SPATA13: variants seen among roughly 807,000 people sequenced by gnomAD.
SPATA13 encodes the protein spermatogenesis associated 13, also known as spermatogenesis-associated protein 13.
In SPATA13, 50 loss-of-function variants were observed where a neutral mutation model predicts 104.0. That is an observed-to-expected ratio of 0.48 (90% CI 0.38 to 0.61). The LOEUF (loss-of-function observed/expected upper bound fraction) is 0.61. SPATA13 is among the 20% of genes least tolerant of loss of function. The pLI is 0.00. For missense variants in SPATA13, 1,524 were observed against 1,690.6 expected, an observed-to-expected ratio of 0.90 and a Z score of 1.73; for synonymous variants, 606 against 667.5, an observed-to-expected ratio of 0.91 and a Z score of 1.42.
intron 2 of SPATA13, among the ~76,000 whole-genome samples, chr13:24,245,405 C>T (rs1873063962): frequency 6.6e-6 from 1 of 151,890 alleles, no homozygotes; most frequent in African/African-American, 2.4e-5. Flanking sequence ...TGAGAGTTTT[C>T]CTCTATCCTT....
intron 1 of SPATA13, among the ~76,000 whole-genome samples, chr13:24,216,020 G>A (rs1377096134): frequency 1.3e-5 from 2 of 152,220 alleles, no homozygotes; most frequent in South Asian, 2.1e-4. Context: ...GCTGTAGGAA[G>A]TCAAGACGCA....
rs113883995 is a variant in SPATA13 at position 24,221,542 on chromosome 13, T to G, written c.-111-1277T>G. Among the ~76,000 whole-genome samples the G allele has an allele frequency of 5.4e-4, 82 of 152,064 alleles. 1 individual carries two copies. Among genetic ancestry groups the G allele is most frequent in the African/African-American group, 1.9e-3 (78 of 41,456 alleles). On this transcript the variant is annotated intron_variant, in intron 1 of 12. Transcript: ENST00000382108. Reference sequence around the variant, plus strand: ...GACCCAGGTGTGGGGTTGAAGGGTTTGGACACAGATGTGCATGATGGGGAA... The same window carrying G: ...GACCCAGGTGTGGGGTTGAAGGGTTGGGACACAGATGTGCATGATGGGGAA...
chr13:24,160,737 G>C lies in SPATA13; in HGVS notation c.-307G>C. 1 of 985,666 alleles carries C rather than the reference G, an allele frequency of 1.0e-6. No homozygotes were observed. The highest frequency in any genetic ancestry group is 1.2e-6 in the Non-Finnish European group (1 of 830,174). 61.1% of individuals were successfully genotyped at this position (985,666 alleles called of 1,614,324 possible). A position where few individuals can be genotyped will look rare whatever the true frequency, so the allele number is the denominator to read the frequency against. Reference sequence around the variant, plus strand: ...GCTTGGCTGAGTGTGCTGCCGCGGCGCGGGAGGAGAGTGTGCGTTGCGCTT... The same window carrying C: ...GCTTGGCTGAGTGTGCTGCCGCGGCCCGGGAGGAGAGTGTGCGTTGCGCTT... On this transcript the variant is annotated 5_prime_UTR_variant, in exon 1 of 13. Transcript: ENST00000382108.
At chr13:24,118,020 GT>G (rs1381027848) in intron 3 of SPATA13, among the ~76,000 whole-genome samples, 5 of 152,110 alleles carry the variant, frequency 3.3e-5, no homozygotes, top group Non-Finnish European at 1.5e-5. Flanking sequence ...TGTGTACTAT[GT>G]TTTTCTGGCT....
At chr13:24,063,715 C>CT (rs1167632047) in intron 3 of SPATA13, among the ~76,000 whole-genome samples, 4 of 152,172 alleles carry the variant, frequency 2.6e-5, no homozygotes, top group Non-Finnish European at 5.9e-5. Flanking sequence ...CTTCTCGTTG[C>CT]TGATGTTTCA....
At chr13:23,997,342 C>T (rs1037079235) in intron 2 of SPATA13, among the ~76,000 whole-genome samples, 11 of 152,124 alleles carry the variant, frequency 7.2e-5, no homozygotes, top group African/African-American at 9.7e-5. Context: ...CCCTGTGATC[C>T]GACCGTCCCC....
chr13:24,102,942 T>A (rs1488621418), intron 3 of SPATA13, among the ~76,000 whole-genome samples: 1 of 152,258 alleles, frequency 6.6e-6, no homozygotes, highest in Non-Finnish European at 1.5e-5. Context: ...TTAACCCATT[T>A]TGAGCTGATT....
intron 4 of SPATA13, among the ~76,000 whole-genome samples, chr13:24,269,515 C>T (rs1874459084): frequency 6.6e-6 from 1 of 152,086 alleles, no homozygotes; most frequent in Non-Finnish European, 1.5e-5. Flanking sequence ...ATCCTCCCAT[C>T]TCAGACTCCT....
intron 4 of SPATA13, among the ~76,000 whole-genome samples, chr13:24,261,235 C>T (rs781523666): frequency 6.6e-5 from 10 of 152,114 alleles, no homozygotes; most frequent in African/African-American, 1.7e-4. Context: ...TATGAAGAAC[C>T]GAGAGGTCGA....
rs539895008 is a variant in SPATA13, at chr13:24,101,706, G to A, written c.-112+84005G>A. Among the ~76,000 whole-genome samples, 20 of 152,206 alleles carry A rather than the reference G, an allele frequency of 1.3e-4. No homozygotes were observed. In the South Asian group the frequency reaches 2.3e-3, roughly 17 times the overall value. ...TACTAATCCGTAGAAGTGGAATCAC[G>A]CACCTATATAAGTGGAATTGTTCAG... On this transcript the variant is annotated intron_variant, in intron 3 of 14. Coordinates refer to the SPATA13 transcript ENST00000424834.
At chr13:24,055,530 C>G (rs1359753908) in intron 3 of SPATA13, among the ~76,000 whole-genome samples, 5 of 152,148 alleles carry the variant, frequency 3.3e-5, no homozygotes, top group Non-Finnish European at 5.9e-5. Flanking sequence ...CTTTAGTAAC[C>G]ATGCATTCAC....
intron 3 of SPATA13, among the ~76,000 whole-genome samples, chr13:24,026,979 A>G (rs186804475): frequency 8.6e-4 from 131 of 152,244 alleles, no homozygotes; most frequent in African/African-American, 3.1e-3. Context: ...CTGTTTCTTT[A>G]TAAGTCAATT....
At chr13:24,258,866 C>T (rs1225884220) in intron 4 of SPATA13, among the ~76,000 whole-genome samples, 3 of 152,182 alleles carry the variant, frequency 2.0e-5, no homozygotes, top group African/African-American at 4.8e-5. Flanking sequence ...GGTCCTCTTC[C>T]CCGTACGATC....
intron 3 of SPATA13, among the ~76,000 whole-genome samples, chr13:24,072,399 T>C (rs1879195183): frequency 6.6e-6 from 1 of 152,202 alleles, no homozygotes; most frequent in Non-Finnish European, 1.5e-5. Flanking sequence ...GGAATATAGA[T>C]GATTAATGTT....
At chr13:24,230,665 G>A (rs74934639) in intron 2 of SPATA13, among the ~76,000 whole-genome samples, 13,835 of 152,172 alleles carry the variant, frequency 0.091, 804 homozygotes, top group Non-Finnish European at 0.13. Flanking sequence ...GGTGATGTGT[G>A]GACTTAACAT....
intron 3 of SPATA13, among the ~76,000 whole-genome samples, chr13:24,024,936 A>T (rs1452956481): frequency 3.1e-5 from 1 of 32,072 alleles, no homozygotes; most frequent in Non-Finnish European, 7.5e-5. Context: ...TCAAATTCAT[A>T]TATATATAAA....
At chr13:24,216,208 C>T (rs1339102045) in intron 1 of SPATA13, among the ~76,000 whole-genome samples, 2 of 152,180 alleles carry the variant, frequency 1.3e-5, no homozygotes, top group Non-Finnish European at 2.9e-5. Flanking sequence ...TCAGACCTAC[C>T]TGCCCTTTCA....
intron 1 of SPATA13, among the ~76,000 whole-genome samples, chr13:24,172,720 A>C (rs781222220): frequency 6.6e-6 from 1 of 152,214 alleles, no homozygotes; most frequent in Non-Finnish European, 1.5e-5. Flanking sequence ...CTATATGTCT[A>C]TACCTCAGCC....
chr13:24,004,753 C>G (rs560669008), intron 2 of SPATA13, among the ~76,000 whole-genome samples: 18 of 152,212 alleles, frequency 1.2e-4, no homozygotes, highest in Non-Finnish European at 1.9e-4. Flanking sequence ...TCACAGTATC[C>G]GTGAAAGCTG....
Sources: gnomAD v4.1 joint callset for allele counts (sites outside exome capture counted in the v4.1 genomes callset) on GRCh38, gnomAD v4.1.1 for gene constraint, MANE v1.5 for transcripts, NCBI Gene and HGNC (gene_info 2026-07-23, HGNC 2026-07-21) for gene names.